Variants in ATP13A4 observed in about 807,000 individuals in gnomAD.
The protein encoded by ATP13A4 is probable cation-transporting ATPase 13A4.
Under a neutral mutation model 142.5 loss-of-function variants are expected in ATP13A4, and 114 were observed. The observed-to-expected ratio is 0.80, with a 90% CI of 0.69 to 0.93. The LOEUF (loss-of-function observed/expected upper bound fraction) is 0.93. Among genes scored for constraint, ATP13A4 ranks in the 40% least tolerant of loss-of-function variants. ATP13A4 has a pLI of 0.00. For missense variants in ATP13A4, 1,392 were observed against 1,454.0 expected, an observed-to-expected ratio of 0.96 and a Z score of 0.69; for synonymous variants, 488 against 514.8, an observed-to-expected ratio of 0.95 and a Z score of 0.70.
upstream of ATP13A4, chr3:193,554,932 T>G (rs1192550304): frequency 6.2e-7 from 1 of 1,600,506 alleles, no homozygotes; most frequent in African/African-American, 1.3e-5. Flanking sequence ...AAACTCCTCC[T>G]TGAGCACACA....
chr3:193,449,625 C>A (rs1717153180), intron 17 of ATP13A4, among the ~76,000 whole-genome samples: 1 of 152,202 alleles, frequency 6.6e-6, no homozygotes, highest in African/African-American at 2.4e-5. Flanking sequence ...CCTCACCCAC[C>A]CTCATTTCCA....
intron 23 of ATP13A4, 40 bp downstream of exon 23, chr3:193,438,435 C>A: frequency 6.7e-7 from 1 of 1,482,330 alleles, no homozygotes; most frequent in Non-Finnish European, 9.4e-7. Flanking sequence ...CACCAGAAGT[C>A]AAGAGAGAGA....
chr3:193,538,510 A>C (rs910903700), intron 1 of ATP13A4, among the ~76,000 whole-genome samples: 9 of 150,964 alleles, frequency 6.0e-5, no homozygotes, highest in African/African-American at 1.9e-4. Flanking sequence ...AAAAAAAAAA[A>C]AAAACCCTAG....
intron 2 of ATP13A4, among the ~76,000 whole-genome samples, chr3:193,562,084 G>A (rs1341731538): frequency 6.6e-6 from 1 of 152,090 alleles, no homozygotes; most frequent in East Asian, 1.9e-4. Context: ...AGAGTACATG[G>A]CAGAGAATAG....
At chr3:193,465,194 C>CTTTTTTTTTTTTTTTT in intron 11 of ATP13A4, 66 bp from the exon 12 acceptor site, 1 of 1,296,054 alleles carries the variant, frequency 7.7e-7, no homozygotes. Flanking sequence ...GACTCTTTGC[C>CTTTTTTTTTTTTTTTT]TTTTTTTTTT....
intron 8 of ATP13A4, 52 bp from the exon 9 acceptor site, chr3:193,471,045 C>T (rs1371751108): frequency 6.2e-7 from 1 of 1,608,070 alleles, no homozygotes; most frequent in East Asian, 2.2e-5. Context: ...CACAAAAATA[C>T]AATCCAACAT....
At chr3:193,441,366 T>C in intron 20 of ATP13A4, 100 bp downstream of exon 20, 1 of 1,453,540 alleles carries the variant, frequency 6.9e-7, no homozygotes. Context: ...TCACTGAGTA[T>C]ATTTTACCTG....
In ATP13A4 at chr3:193,402,696, A is replaced by G. The variant is rs1420605516; in HGVS notation, c.3547T>C (p.Ser1183Pro). Residue 1183 changes from serine to proline, a missense_variant, in exon 30 of 30, where the codon TCT becomes CCT. Transcript: ENST00000342695. ...SDMPECGRGV[S>P]YSNPVFESNE... Reference sequence around the variant, plus strand: ...CTCTCAAATACTGGATTGCTGTAAGACACTCCTCTGCCACACTCCGGCATG... The same window carrying G: ...CTCTCAAATACTGGATTGCTGTAAGGCACTCCTCTGCCACACTCCGGCATG... 7.9e-7 allele frequency: 1 copy of G among 1,273,248 alleles called. No individual in the cohort carries two copies. Among genetic ancestry groups the G allele is most frequent in the Non-Finnish European group, 1.2e-6 (1 of 869,090 alleles). 78.9% of individuals were successfully genotyped at this position (1,273,248 alleles called of 1,614,324 possible).
intron 8 of ATP13A4, 116 bp from the exon 9 acceptor site, chr3:193,471,109 A>G (rs1718597503): frequency 2.2e-6 from 3 of 1,375,416 alleles, no homozygotes; most frequent in Non-Finnish European, 3.1e-6. Context: ...TTTTTTAGAA[A>G]GGAGAACATT....
chr3:193,576,461 C>CG (rs1449370074), intron 2 of ATP13A4, among the ~76,000 whole-genome samples: 2 of 149,428 alleles, frequency 1.3e-5, no homozygotes, highest in Admixed American at 6.6e-5. Flanking sequence ...TTAGTAGAGA[C>CG]GGGGTTTCAC....
rs566629456 is a variant in ATP13A4 at position 193,456,771 on chromosome 3, GT to G, written c.1915+228del. Reference sequence around the variant, plus strand: ...GGGAGTGAGAAATCAGAGATGACACGTAAATGGGGTGGTGGCGGGGGATGGT... The same window carrying G: ...GGGAGTGAGAAATCAGAGATGACACGAAATGGGGTGGTGGCGGGGGATGGT... On this transcript the variant is annotated intron_variant, in intron 16 of 29. Coordinates refer to ENST00000342695, the MANE Select transcript of ATP13A4 (RefSeq NM_032279.4). Among the ~76,000 whole-genome samples, 352 of 152,234 alleles carry G rather than the reference GT, an allele frequency of 2.3e-3. 2 individuals carry two copies. The highest frequency in any genetic ancestry group is 1.8e-3 in the Admixed American group (28 of 15,308).
intron 8 of ATP13A4, among the ~76,000 whole-genome samples, chr3:193,479,358 C>A (rs1309070312): frequency 2.0e-5 from 3 of 151,988 alleles, no homozygotes; most frequent in Non-Finnish European, 4.4e-5. Context: ...TGATAGTATA[C>A]CAAGAAAACC....
At chr3:193,450,360 G>A (rs996445258) in intron 17 of ATP13A4, among the ~76,000 whole-genome samples, 2 of 152,182 alleles carry the variant, frequency 1.3e-5, no homozygotes, top group African/African-American at 4.8e-5. Context: ...TCTGAGGCCT[G>A]TTGGGACCAT....
At chr3:193,487,111 G>A (rs1172981475) in intron 7 of ATP13A4, among the ~76,000 whole-genome samples, 1 of 152,086 alleles carries the variant, frequency 6.6e-6, no homozygotes, top group Non-Finnish European at 1.5e-5. Context: ...AAAAGAGAAC[G>A]GAAAAGAGCA....
At position 193,438,567 on chromosome 3, in the gene ATP13A4, A is replaced by G. The variant is rs1464819495; in HGVS notation, c.2580T>C (p.His860=). 1 of 1,614,034 alleles carries G rather than the reference A, an allele frequency of 6.2e-7. No individual in the cohort carries two copies. The highest frequency in any genetic ancestry group is 8.5e-7 in the Non-Finnish European group (1 of 1,179,998). ...CCTGCTCTGATAATGAGATGCCCAC[A>G]TGAGCCATTTTCAGAGCCTGAAAGC... The part of the protein sequence containing the change: ...ANDCGALKMA[H]VGISLSEQEA... Residue 860 remains histidine, a synonymous_variant, in exon 23 of 30, where the codon CAT becomes CAC. Transcript: ENST00000342695.
In ATP13A4 at chr3:193,474,737, AAAG is replaced by A. The variant is rs1718860278; in HGVS notation, c.809-3747_809-3745del. On this transcript the variant is annotated intron_variant, in intron 8 of 29. Coordinates refer to ENST00000342695, the MANE Select transcript of ATP13A4 (RefSeq NM_032279.4). Reference sequence around the variant, plus strand: ...AAGAGAGAGAGAAAGAAAGAGAAAGAAAGAAAGAAAGGAAAAAGAAAGAAAGAG... The same window carrying A: ...AAGAGAGAGAGAAAGAAAGAGAAAGAAAAGAAAGGAAAAAGAAAGAAAGAG... Among the ~76,000 whole-genome samples the A allele has an allele frequency of 4.6e-5, 7 of 151,570 alleles. No homozygotes were observed. In the South Asian group the frequency reaches 1.5e-3, roughly 32 times the overall value.
At position 193,424,619 on chromosome 3, in the gene ATP13A4, C is replaced by T. The variant is rs768513229; in HGVS notation, c.2842+9226G>A. 6.7e-5 allele frequency among the ~76,000 whole-genome samples: 10 copies of T among 149,326 alleles called. 2 individuals are homozygous for T. The highest frequency in any genetic ancestry group is 2.5e-4 in the African/African-American group (10 of 40,766). On this transcript the variant is annotated intron_variant, in intron 25 of 29. Transcript: ENST00000342695. The stretch of plus-strand genomic sequence containing the variant: ...GAATGGTGCTGAGAAAATTGGTTAT[C>T]GATGCAGAAGAATGAACTAGACCCC...
chr3:193,468,529 G>A (rs1286722355), intron 9 of ATP13A4, among the ~76,000 whole-genome samples: 1 of 151,920 alleles, frequency 6.6e-6, no homozygotes, highest in South Asian at 2.1e-4. Flanking sequence ...CAGGCAGATC[G>A]CTTGAGCCAG....
At chr3:193,490,152 C>T (rs66931361) in intron 6 of ATP13A4, among the ~76,000 whole-genome samples, 17,207 of 152,126 alleles carry the variant, frequency 0.11, 1,101 homozygotes, top group East Asian at 0.24. Context: ...CAAAGTCATG[C>T]GACTATGATT....
Sources: gnomAD v4.1 joint callset for allele counts (sites outside exome capture counted in the v4.1 genomes callset) on GRCh38, gnomAD v4.1.1 for gene constraint, MANE v1.5 for transcripts, NCBI Gene and HGNC (gene_info 2026-07-23, HGNC 2026-07-21) for gene names.